Variants in EXTL2 observed in about 807,000 individuals in gnomAD.
EXTL2 encodes the protein exostosin like glycosyltransferase 2, also known as exostosin-like 2.
A neutral mutation model predicts 30.7 loss-of-function variants in EXTL2; 23 were observed. The observed-to-expected ratio is 0.75, with a 90% confidence interval of 0.54 to 1.06. EXTL2 has a LOEUF of 1.06. Among genes scored for constraint, EXTL2 ranks in the 50% least tolerant of loss-of-function variants. The pLI is 0.00. For missense variants in EXTL2, 352 were observed against 396.3 expected (o/e 0.89, Z 0.95); for synonymous variants, 123 against 133.8 (o/e 0.92, Z 0.56).
chr1:100,881,849 C>A (rs1040636685), intron 2 of EXTL2, among the ~76,000 whole-genome samples: 3 of 152,154 alleles, frequency 2.0e-5, no homozygotes, highest in African/African-American at 7.2e-5. Context: ...GGTCCCCAAT[C>A]CCCAGGCTAC....
At chr1:100,893,986 G>A (rs1650636498) in intron 1 of EXTL2, among the ~76,000 whole-genome samples, 1 of 152,092 alleles carries the variant, frequency 6.6e-6, no homozygotes, top group Admixed American at 6.5e-5. Context: ...AGGTAATGTA[G>A]GTTTCTCCAT....
At position 100,873,447 on chromosome 1, in the gene EXTL2, T is replaced by G. The variant is rs1648848084; in HGVS notation, c.*495A>C. The G allele has an allele frequency of 6.5e-6, 1 of 152,786 alleles. No homozygotes were observed. The highest frequency in any genetic ancestry group is 1.5e-5 in the Non-Finnish European group (1 of 68,228). 9.5% of individuals were successfully genotyped at this position (152,786 alleles called of 1,614,324 possible). A position where few individuals can be genotyped will look rare whatever the true frequency, so the allele number is the denominator to read the frequency against. On this transcript the variant is annotated 3_prime_UTR_variant, in exon 5 of 5. Transcript: ENST00000370114. The stretch of plus-strand genomic sequence containing the variant: ...GTTGGCAGGGCCACAAGGAAAGCAC[T>G]GGCAGCTGCAAATTTTCCTCTTCAT...
At chr1:100,878,975 C>T (rs763815827) in intron 2 of EXTL2, among the ~76,000 whole-genome samples, 1 of 152,108 alleles carries the variant, frequency 6.6e-6, no homozygotes, top group Non-Finnish European at 1.5e-5. Context: ...TCCCATCTTC[C>T]TTATTGTACC....
chr1:100,877,962 T>C lies in EXTL2; in HGVS notation c.6-59A>G. ...AGCATTCTTACGAGTCCCTGTGTTTTCATGTTTTTTTCCAATGAGGAAAGA... is the reference window on the plus strand; with the variant it reads ...AGCATTCTTACGAGTCCCTGTGTTTCCATGTTTTTTTCCAATGAGGAAAGA... On this transcript the variant is annotated intron_variant, in intron 2 of 4. Coordinates refer to ENST00000370114, the MANE Select transcript of EXTL2 (RefSeq NM_001033025.3). This position sits in a 1 kb window ranked among gnomAD's most constrained non-coding sequence, Gnocchi z 4.1. The C allele has an allele frequency of 1.1e-5, 15 of 1,323,244 alleles. No homozygotes were observed. The highest frequency in any genetic ancestry group is 1.5e-5 in the Non-Finnish European group (15 of 971,182). 82.0% of individuals were successfully genotyped at this position (1,323,244 alleles called of 1,614,324 possible). A position where few individuals can be genotyped will look rare whatever the true frequency, so the allele number is the denominator to read the frequency against.
intron 1 of EXTL2, among the ~76,000 whole-genome samples, chr1:100,890,722 A>C (rs1233609088): frequency 6.6e-6 from 1 of 152,216 alleles, no homozygotes; most frequent in Non-Finnish European, 1.5e-5. Flanking sequence ...AGACCACATC[A>C]GCCTGGACTT....
At chr1:100,875,253 A>ACACACACG (rs1649019850) in intron 4 of EXTL2, among the ~76,000 whole-genome samples, 2 of 151,542 alleles carry the variant, frequency 1.3e-5, no homozygotes, top group African/African-American at 2.4e-5. Context: ...ACACACACAC[A>ACACACACG]CACACACGAG....
intron 2 of EXTL2, among the ~76,000 whole-genome samples, chr1:100,879,104 TAAA>T: frequency 6.6e-6 from 1 of 152,184 alleles, no homozygotes; most frequent in Admixed American, 6.6e-5. Flanking sequence ...GAGAAAAGGT[TAAA>T]TCTCAGACAG....
intron 1 of EXTL2, among the ~76,000 whole-genome samples, chr1:100,892,036 T>C (rs1164776810): frequency 1.3e-5 from 2 of 152,212 alleles, no homozygotes; most frequent in African/African-American, 4.8e-5. Flanking sequence ...TTAGGTATGA[T>C]TTCAAGAAAT....
In EXTL2 at chr1:100,877,620, C is replaced by T; in HGVS notation, c.289G>A (p.Val97Met). 1.2e-6 allele frequency: 2 copies of T among 1,613,646 alleles called. No individual in the cohort carries two copies. The highest frequency in any genetic ancestry group is 1.7e-6 in the Non-Finnish European group (2 of 1,179,686). The change falls in exon 3 of 5, where the codon GTG becomes ATG. Residue 97 changes from valine to methionine, a missense_variant. Val to Met is a conservative substitution (Grantham distance 21). Transcript: ENST00000370114. This position sits in a 1 kb window ranked among gnomAD's most constrained non-coding sequence, Gnocchi z 4.1. Reference protein sequence around the residue: ...QAVPNLHKVIVVWNNIGEKAP... With the variant: ...QAVPNLHKVIMVWNNIGEKAP... ...TTCTCTCCAATATTGTTCCATACCA[C>T]AATCACTTTGTGCAGATTTGGTACA...
At chr1:100,874,955 T>C (rs1444338806) in intron 4 of EXTL2, among the ~76,000 whole-genome samples, 1 of 152,128 alleles carries the variant, frequency 6.6e-6, no homozygotes, top group African/African-American at 2.4e-5. Flanking sequence ...AGCTTGGGTG[T>C]TTCTTTTTTT....
rs1648988450 is a variant in EXTL2 at position 100,874,954 on chromosome 1, G to A, written c.505-524C>T. On this transcript the variant is annotated intron_variant, in intron 4 of 4. Coordinates refer to ENST00000370114, the MANE Select transcript of EXTL2 (RefSeq NM_001033025.3). ...ATATTTATCCCATTTCAGCTTGGGT[G>A]TTTCTTTTTTTAAAAAATGAGATAA... 2.6e-5 allele frequency among the ~76,000 whole-genome samples: 4 copies of A among 151,724 alleles called. No individual in the cohort carries two copies. The South Asian group carries it at 8.3e-4, about 32-fold the overall frequency.
intron 4 of EXTL2, among the ~76,000 whole-genome samples, chr1:100,875,230 GACACACACACAC>G (rs10547668): frequency 1.1e-4 from 16 of 149,310 alleles, no homozygotes; most frequent in African/African-American, 3.7e-4. Flanking sequence ...CAGAACTAGG[GACACACACACAC>G]ACACACACAC....
At chr1:100,895,076 G>C (rs1480575610), upstream of EXTL2, 1 of 152,148 alleles carries the variant, frequency 6.6e-6, no homozygotes, top group African/African-American at 2.4e-5. Context: ...CCCAGGAAAG[G>C]CCTGTGGGGC....
chr1:100,875,053 A>G (rs1648994288), intron 4 of EXTL2, among the ~76,000 whole-genome samples: 1 of 152,026 alleles, frequency 6.6e-6, no homozygotes. Flanking sequence ...GATGCATCAG[A>G]ATCTTTGATG....
rs138085445 is a variant in EXTL2, at chr1:100,893,208, C to T, written c.-72+1425G>A. Among the ~76,000 whole-genome samples, 3 of 152,160 alleles carry T rather than the reference C, an allele frequency of 2.0e-5. No homozygotes were observed. The East Asian group carries it at 5.8e-4, about 29-fold the overall frequency. On this transcript the variant is annotated intron_variant, in intron 1 of 4. Coordinates refer to ENST00000370114, the MANE Select transcript of EXTL2 (RefSeq NM_001033025.3). ...ATATGTATTTTATGATCTTATAAAC[C>T]GATTTAATCTTGTAACATACAAAGG...
chr1:100,894,698 C>T lies in EXTL2; in HGVS notation c.-137G>A, dbSNP rs972749777. On this transcript the variant is annotated 5_prime_UTR_variant, in exon 1 of 5. Coordinates refer to ENST00000370114, the MANE Select transcript of EXTL2 (RefSeq NM_001033025.3). The stretch of plus-strand genomic sequence containing the variant: ...TCCCTGCAGCTTAGTTATCATAAAA[C>T]GGAAGGGGCGTCTCGTTTGCTCATT... 2.6e-5 allele frequency: 4 copies of T among 152,140 alleles called. No homozygotes were observed. The highest frequency in any genetic ancestry group is 4.4e-5 in the Non-Finnish European group (3 of 68,030). 9.4% of individuals were successfully genotyped at this position (152,140 alleles called of 1,614,324 possible).
chr1:100,894,984 A>G (rs1255053480), upstream of EXTL2: 3 of 152,278 alleles, frequency 2.0e-5, no homozygotes, highest in Non-Finnish European at 4.4e-5. Context: ...ACTTTTAAAC[A>G]TTCACGTGAC....
intron 2 of EXTL2, among the ~76,000 whole-genome samples, chr1:100,880,132 G>C (rs1281938744): frequency 2.6e-5 from 4 of 152,092 alleles, no homozygotes; most frequent in Non-Finnish European, 5.9e-5. Flanking sequence ...GACATAGAGA[G>C]ATCATATATA....
chr1:100,893,127 CAT>C (rs980171287), intron 1 of EXTL2, among the ~76,000 whole-genome samples: 24 of 152,154 alleles, frequency 1.6e-4, no homozygotes, highest in Non-Finnish European at 2.5e-4. Flanking sequence ...GATATAAAAA[CAT>C]ATTTAAAAGT....
Sources: allele counts gnomAD v4.1 joint callset (sites outside exome capture counted in the v4.1 genomes callset), GRCh38; gene constraint gnomAD v4.1.1; non-coding constraint Gnocchi (gnomAD v3.1); transcripts MANE v1.5; gene names NCBI Gene and HGNC (gene_info 2026-07-23, HGNC 2026-07-21).